MARCHF6: variants seen among roughly 807,000 people sequenced by gnomAD.
MARCHF6 encodes E3 ubiquitin-protein ligase MARCHF6.
A neutral mutation model predicts 133.7 loss-of-function variants in MARCHF6; 31 were observed. That is an observed-to-expected ratio of 0.23 (90% CI 0.17 to 0.31). MARCHF6 has a LOEUF of 0.31. Ranked by LOEUF, MARCHF6 falls within the 10% of genes least tolerant of loss-of-function variation. The probability of loss-of-function intolerance (pLI) is 1.00; values close to 1 mark genes in which losing one functional copy is unlikely to be tolerated. For missense variants in MARCHF6, 723 were observed against 1,121.6 expected (o/e 0.64, Z 5.08); for synonymous variants, 395 against 402.5 (o/e 0.98, Z 0.22).
At chr5:10,430,163 T>C in intron 25 of MARCHF6, 135 bp downstream of exon 25, 1 of 953,298 alleles carries the variant, frequency 1.0e-6, no homozygotes, top group South Asian at 1.8e-5. Flanking sequence ...CAAGGTTTGC[T>C]GACAGATTGT....
At chr5:10,390,598 A>G (rs1737766025) in intron 6 of MARCHF6, 98 bp downstream of exon 6, 1 of 1,174,612 alleles carries the variant, frequency 8.5e-7, no homozygotes, top group Non-Finnish European at 1.2e-6. Flanking sequence ...GTCCCTCATA[A>G]ACATTCTTTT....
At chr5:10,395,552 T>C (rs1738141701) in intron 9 of MARCHF6, among the ~76,000 whole-genome samples, 1 of 152,188 alleles carries the variant, frequency 6.6e-6, no homozygotes, top group South Asian at 2.1e-4. Flanking sequence ...AACTTGTTCT[T>C]TAAAGAAGAA....
intron 21 of MARCHF6, 37 bp from the exon 22 acceptor site, chr5:10,417,233 A>G: frequency 6.3e-7 from 1 of 1,588,402 alleles, no homozygotes; most frequent in Non-Finnish European, 8.5e-7. Flanking sequence ...GCTCAGAAAG[A>G]TCCTCTTTAA....
chr5:10,391,262 T>C (rs1737812090), intron 6 of MARCHF6, among the ~76,000 whole-genome samples: 1 of 151,866 alleles, frequency 6.6e-6, no homozygotes, highest in Non-Finnish European at 1.5e-5. Flanking sequence ...GCCTCCTGAG[T>C]AGCTGGGACT....
At chr5:10,384,933 A>G (rs954536375) in intron 4 of MARCHF6, among the ~76,000 whole-genome samples, 14 of 152,212 alleles carry the variant, frequency 9.2e-5, no homozygotes, top group African/African-American at 3.1e-4. Context: ...TAGTACTTAA[A>G]AACTGATATC....
intron 1 of MARCHF6, among the ~76,000 whole-genome samples, chr5:10,360,330 G>A (rs1470327968): frequency 1.3e-5 from 2 of 151,720 alleles, no homozygotes; most frequent in East Asian, 2.0e-4. Flanking sequence ...TGTATTTTTC[G>A]TAGAGATGGG....
intron 22 of MARCHF6, among the ~76,000 whole-genome samples, chr5:10,418,658 C>T (rs1254418155): frequency 6.6e-6 from 1 of 152,130 alleles, no homozygotes; most frequent in Non-Finnish European, 1.5e-5. Flanking sequence ...CCCGTATTTC[C>T]CTTTTTCTGC....
In MARCHF6 at chr5:10,405,501, A is replaced by G; in HGVS notation, c.1333-57A>G. ...TATCTTTCTGTTAATGTTTTAGCTC[A>G]TATATAGAATTTGAAGACATTGGTG... On this transcript the variant is annotated intron_variant, in intron 15 of 25. Coordinates refer to ENST00000274140, the MANE Select transcript of MARCHF6 (RefSeq NM_005885.4). 4 of 1,424,828 alleles carry G rather than the reference A, an allele frequency of 2.8e-6. No homozygotes were observed. In the South Asian group the frequency reaches 5.3e-5, roughly 19 times the overall value. The allele number at this position is 1,424,828 out of a possible 1,614,324, so 88.3% of individuals were successfully genotyped here.
intron 1 of MARCHF6, among the ~76,000 whole-genome samples, chr5:10,377,059 C>T (rs2126689642): frequency 1.3e-5 from 2 of 152,238 alleles, no homozygotes. Context: ...AAGGATCCGT[C>T]GCGGTTCCTC....
At chr5:10,386,010 G>C (rs1415709854) in intron 4 of MARCHF6, among the ~76,000 whole-genome samples, 4 of 151,616 alleles carry the variant, frequency 2.6e-5, no homozygotes, top group Non-Finnish European at 5.9e-5. Context: ...CCATGTACGT[G>C]AGTGTTGTGC....
intron 9 of MARCHF6, among the ~76,000 whole-genome samples, chr5:10,396,806 G>A (rs1366860481): frequency 6.6e-6 from 1 of 152,186 alleles, no homozygotes; most frequent in African/African-American, 2.4e-5. Context: ...AGGGACCAGA[G>A]GAGATCAAGC....
chr5:10,382,438 G>C (rs1191882487), intron 4 of MARCHF6, among the ~76,000 whole-genome samples: 2 of 149,100 alleles, frequency 1.3e-5, no homozygotes, highest in Non-Finnish European at 3.0e-5. Context: ...CTGCACTCCA[G>C]CTTGGGCAAC....
At chr5:10,365,809 T>G (rs1328953623) in intron 1 of MARCHF6, among the ~76,000 whole-genome samples, 2 of 152,218 alleles carry the variant, frequency 1.3e-5, no homozygotes, top group Non-Finnish European at 2.9e-5. Context: ...GTCTGACCAA[T>G]TACAGTGGCT....
chr5:10,354,515 T>G (rs1021514975), intron 1 of MARCHF6: 3 of 152,218 alleles, frequency 2.0e-5, no homozygotes, highest in African/African-American at 7.2e-5. Flanking sequence ...TTTTAAATCC[T>G]TGACACCTAT....
rs200975242 is a variant in MARCHF6, at chr5:10,410,099, T to C, written c.1554-40T>C. On this transcript the variant is annotated intron_variant, in intron 17 of 25. Transcript: ENST00000274140. ...GTAATCCCATTAAATAGTAGTCATATGCAAAATACAATTCACATTATAAAT... is the reference window on the plus strand; with the variant it reads ...GTAATCCCATTAAATAGTAGTCATACGCAAAATACAATTCACATTATAAAT... 1.7e-5 allele frequency: 27 copies of C among 1,605,314 alleles called. No homozygotes were observed. The East Asian group carries it at 6.0e-4, about 36-fold the overall frequency.
rs750797486 is a variant in MARCHF6 at position 10,407,088 on chromosome 5, G to T, written c.1453-14G>T. The T allele has an allele frequency of 2.0e-5, 30 of 1,508,730 alleles. No homozygotes were observed. The highest frequency in any genetic ancestry group is 2.4e-5 in the Non-Finnish European group (26 of 1,086,114). The allele number at this position is 1,508,730 out of a possible 1,614,324, so 93.5% of individuals were successfully genotyped here. A position where few individuals can be genotyped will look rare whatever the true frequency, so the allele number is the denominator to read the frequency against. ...GACTCTTATAGTGGTGTCATACCCT[G>T]TTTCCTTCTGCAGATTGTCTTTGGC... On this transcript the variant is annotated splice_polypyrimidine_tract_variant and intron_variant, in intron 16 of 25. Transcript: ENST00000274140.
In MARCHF6 at chr5:10,415,521, C is replaced by T. The variant is rs182494860; in HGVS notation, c.2000C>T (p.Thr667Met). ...FAGRWLMSFW[T>M]GTAKIHELYT... ...GGCCGTTGGTTAATGTCGTTTTGGA[C>T]GGGGACTGCCAAAATCCATGAGCTC... Residue 667 changes from threonine (T) to methionine (M), a missense_variant, in exon 21 of 26, where the codon ACG becomes ATG. Thr to Met is a moderately conservative substitution (Grantham distance 81). This residue lies in a region of MARCHF6 where 492 missense variants were observed against 699.5 expected (regional missense o/e 0.70). Coordinates refer to ENST00000274140, the MANE Select transcript of MARCHF6 (RefSeq NM_005885.4). 136 of 1,594,830 alleles carry T rather than the reference C, an allele frequency of 8.5e-5. 1 individual carries two copies. The East Asian group carries it at 1.4e-3, about 17-fold the overall frequency.
At chr5:10,391,347 G>C (rs180813452) in intron 6 of MARCHF6, among the ~76,000 whole-genome samples, 195 bp from the exon 7 acceptor site, 13 of 150,512 alleles carry the variant, frequency 8.6e-5, no homozygotes, top group African/African-American at 2.9e-4. Context: ...TGGCCAGGCT[G>C]GTCTTGAACT....
chr5:10,398,074 T>C (rs1738293805), intron 10 of MARCHF6, among the ~76,000 whole-genome samples: 1 of 152,300 alleles, frequency 6.6e-6, no homozygotes, highest in South Asian at 2.1e-4. Flanking sequence ...ATGGGGTTAT[T>C]GTTAGGTGTC....
Sources: allele counts gnomAD v4.1 joint callset (sites outside exome capture counted in the v4.1 genomes callset), GRCh38; gene constraint gnomAD v4.1.1; regional missense constraint gnomAD v4.1.1; transcripts MANE v1.5; gene names NCBI Gene and HGNC (gene_info 2026-07-23, HGNC 2026-07-21).